The following RBPJ variants were observed in gnomAD, a reference collection of about 807,000 sequenced individuals.
RBPJ encodes the protein recombination signal binding protein for immunoglobulin kappa J region.
A neutral mutation model predicts 67.8 loss-of-function variants in RBPJ; 9 were observed. The ratio of observed to expected loss-of-function variants is 0.13; its 90% CI spans 0.08 to 0.23. RBPJ has a LOEUF of 0.23. RBPJ is among the 10% of genes least tolerant of loss of function. The pLI, the probability that RBPJ is intolerant of heterozygous loss-of-function variation, is 1.00. For missense variants in RBPJ, 305 were observed against 595.6 expected, an observed-to-expected ratio of 0.51 and a Z score of 5.08; for synonymous variants, 198 against 203.3, an observed-to-expected ratio of 0.97 and a Z score of 0.22.
At chr4:26,354,458 T>G (rs1175329279) in intron 1 of RBPJ, among the ~76,000 whole-genome samples, 3 of 150,234 alleles carry the variant, frequency 2.0e-5, no homozygotes, top group Admixed American at 6.6e-5. Context: ...TCTGTTTTTT[T>G]TTTTTTTTTT....
At chr4:26,146,361 C>T in the RBPJ span, among the ~76,000 whole-genome samples, 1 of 152,152 alleles carries the variant, frequency 6.6e-6, no homozygotes, top group Non-Finnish European at 1.5e-5. Flanking sequence ...TGAACTTAGA[C>T]CCTTGACTCA....
At chr4:26,404,099 T>G (rs1322044203) in intron 2 of RBPJ, among the ~76,000 whole-genome samples, 10 of 152,068 alleles carry the variant, frequency 6.6e-5, no homozygotes, top group Non-Finnish European at 1.5e-4. Flanking sequence ...CTCATTGTGA[T>G]TTTGATTTGC....
intron 1 of RBPJ, among the ~76,000 whole-genome samples, chr4:26,244,019 CAGG>C (rs1443827901): frequency 6.6e-6 from 1 of 151,434 alleles, no homozygotes; most frequent in African/African-American, 2.4e-5. Flanking sequence ...CACTTGAGCC[CAGG>C]AGGAGGAGGT....
chr4:26,251,901 C>G (rs968913706), intron 1 of RBPJ, among the ~76,000 whole-genome samples: 1 of 150,576 alleles, frequency 6.6e-6, no homozygotes, highest in Non-Finnish European at 1.5e-5. Flanking sequence ...AAAGACTCAG[C>G]CGCAATGGAA....
chr4:26,286,898 T>C (rs921066456), intron 1 of RBPJ, among the ~76,000 whole-genome samples: 1 of 151,820 alleles, frequency 6.6e-6, no homozygotes, highest in Admixed American at 6.6e-5. Context: ...GCCATTCTCC[T>C]GCTTCAGCTT....
chr4:26,210,788 TTTC>T (rs1718389756), intron 1 of RBPJ, among the ~76,000 whole-genome samples: 1 of 115,116 alleles, frequency 8.7e-6, no homozygotes, highest in Non-Finnish European at 1.9e-5. Context: ...TCTTTCTTTC[TTTC>T]TTTCTTTCTT....
chr4:26,389,049 G>C (rs921667072), intron 2 of RBPJ, among the ~76,000 whole-genome samples: 1 of 151,858 alleles, frequency 6.6e-6, no homozygotes, highest in Non-Finnish European at 1.5e-5. Flanking sequence ...TGGCGAAACC[G>C]TGTCTGTACC....
intron 1 of RBPJ, among the ~76,000 whole-genome samples, chr4:26,366,941 T>C (rs1728693286): frequency 1.3e-5 from 2 of 149,686 alleles, no homozygotes. Context: ...CTGGCCAATA[T>C]GGTGAAACCT....
chr4:26,387,519 T>C (rs1365775316), intron 2 of RBPJ, among the ~76,000 whole-genome samples: 1 of 152,110 alleles, frequency 6.6e-6, no homozygotes, highest in African/African-American at 2.4e-5. Context: ...GGACAAAATA[T>C]GTAAAAACCG....
the RBPJ span, among the ~76,000 whole-genome samples, chr4:26,133,247 G>A: frequency 5.3e-5 from 8 of 152,312 alleles, no homozygotes; most frequent in East Asian, 1.9e-4. Context: ...TTGGGAATTC[G>A]TTGTGTTTCC....
intron 1 of RBPJ, among the ~76,000 whole-genome samples, chr4:26,200,287 G>T (rs1012063975): frequency 6.6e-6 from 1 of 152,162 alleles, no homozygotes; most frequent in Non-Finnish European, 1.5e-5. Context: ...TGAAATAGTG[G>T]TATTATTAAT....
rs1724105674 is a variant in RBPJ at position 26,330,385 on chromosome 4, AG to A, written c.20+9339del. On this transcript the variant is annotated intron_variant, in intron 1 of 10. Coordinates refer to ENST00000355476, the MANE Select transcript of RBPJ (RefSeq NM_015874.6). ...TTGGTAATATATAACACTTGCCACTAGGTGGCTCTTGGTCTTGATAAAGCTG... is the reference window on the plus strand; with the variant it reads ...TTGGTAATATATAACACTTGCCACTAGTGGCTCTTGGTCTTGATAAAGCTG... Among the ~76,000 whole-genome samples, 7 of 152,362 alleles carry A rather than the reference AG, an allele frequency of 4.6e-5. 1 individual carries two copies. In the South Asian group the frequency reaches 1.4e-3, roughly 32 times the overall value.
At chr4:26,253,495 T>G (rs1720187755) in intron 1 of RBPJ, among the ~76,000 whole-genome samples, 1 of 150,754 alleles carries the variant, frequency 6.6e-6, no homozygotes, top group East Asian at 1.9e-4. Flanking sequence ...GTATTTTTAG[T>G]AGAGACGGGG....
At chr4:26,242,955 G>A (rs1250552578) in intron 1 of RBPJ, among the ~76,000 whole-genome samples, 3 of 152,092 alleles carry the variant, frequency 2.0e-5, no homozygotes, top group Non-Finnish European at 4.4e-5. Flanking sequence ...TTAAAAGCGC[G>A]GTGGCTCATG....
chr4:26,327,879 A>G (rs1420387185), intron 1 of RBPJ, among the ~76,000 whole-genome samples: 1 of 152,124 alleles, frequency 6.6e-6, no homozygotes, highest in Non-Finnish European at 1.5e-5. Context: ...AAACTTTTTT[A>G]TAAGTATGAT....
chr4:26,292,546 G>A (rs867448429), intron 1 of RBPJ, among the ~76,000 whole-genome samples: 26 of 150,234 alleles, frequency 1.7e-4, no homozygotes, highest in African/African-American at 5.9e-4. Context: ...TCAGCCTCCC[G>A]AGTAGCTGGG....
intron 3 of RBPJ, chr4:26,410,185 C>G (rs1196112440): frequency 9.2e-6 from 3 of 327,278 alleles, no homozygotes; most frequent in Non-Finnish European, 1.8e-5. Context: ...CTTGCCGATC[C>G]TGGTTCAGGC....
the RBPJ span, among the ~76,000 whole-genome samples, chr4:26,109,458 CTCTATATA>C: frequency 1.2e-3 from 17 of 14,390 alleles, no homozygotes; most frequent in Non-Finnish European, 1.4e-3. Flanking sequence ...CTCTCTCTCT[CTCTATATA>C]TATATATATA....
chr4:26,268,087 C>T (rs559995187), intron 1 of RBPJ, among the ~76,000 whole-genome samples: 8 of 152,050 alleles, frequency 5.3e-5, no homozygotes, highest in African/African-American at 1.7e-4. Flanking sequence ...TCTAAATTTC[C>T]TAACAATTAG....
Sources: gnomAD v4.1 joint callset for allele counts (sites outside exome capture counted in the v4.1 genomes callset) on GRCh38, gnomAD v4.1.1 for gene constraint, MANE v1.5 for transcripts, NCBI Gene and HGNC (gene_info 2026-07-23, HGNC 2026-07-21) for gene names.